The following KIF27 variants were observed in gnomAD, a reference collection of about 807,000 sequenced individuals.
The protein encoded by KIF27 is kinesin family member 27.
Under a neutral mutation model 141.8 loss-of-function variants are expected in KIF27, and 84 were observed. The observed-to-expected ratio is 0.59, with a 90% confidence interval of 0.50 to 0.71. The LOEUF is 0.71. Ranked by LOEUF, KIF27 falls within the 30% of genes least tolerant of loss-of-function variation. KIF27 has a pLI of 0.00. For missense variants in KIF27, 1,306 were observed against 1,628.4 expected (o/e 0.80, Z 3.41); for synonymous variants, 471 against 569.5 (o/e 0.83, Z 2.46).
chr9:83,867,896 C>T (rs1354645766), intron 12 of KIF27, 36 bp from the exon 13 acceptor site: 1 of 1,537,828 alleles, frequency 6.5e-7, no homozygotes, highest in Non-Finnish European at 8.7e-7. Flanking sequence ...ACTTGTTTTT[C>T]CTTCTGCCAT....
intron 10 of KIF27, among the ~76,000 whole-genome samples, chr9:83,883,568 T>C (rs1420687183): frequency 6.6e-6 from 1 of 152,236 alleles, no homozygotes; most frequent in Non-Finnish European, 1.5e-5. Context: ...TGTTTCGTGG[T>C]TACGTTTATT....
In KIF27 at chr9:83,870,206, G is replaced by A. The variant is rs532214897; in HGVS notation, c.2757+313C>T. Among the ~76,000 whole-genome samples, 190 of 151,912 alleles carry A rather than the reference G, an allele frequency of 1.3e-3. 1 individual carries two copies. The highest frequency in any genetic ancestry group is 4.4e-3 in the African/African-American group (184 of 41,408). The stretch of plus-strand genomic sequence containing the variant: ...ATTGAGAGGGAGTTTTGCTCTTGTT[G>A]CCCAGTCTGGAGTGCAGTGGCATGG... On this transcript the variant is annotated intron_variant, in intron 12 of 17. Coordinates refer to ENST00000297814, the MANE Select transcript of KIF27 (RefSeq NM_017576.4).
At chr9:83,895,664 G>A (rs1588216071) in intron 5 of KIF27, among the ~76,000 whole-genome samples, 1 of 151,946 alleles carries the variant, frequency 6.6e-6, no homozygotes, top group East Asian at 1.9e-4. Context: ...TACAGAAGGT[G>A]AAAGGATTAT....
intron 4 of KIF27, among the ~76,000 whole-genome samples, chr9:83,900,733 G>GTA (rs1297653978): frequency 2.6e-5 from 4 of 151,412 alleles, no homozygotes; most frequent in East Asian, 1.9e-4. Flanking sequence ...ATATATACAC[G>GTA]TATATATATA....
chr9:83,918,681 C>T (rs1361130567), intron 1 of KIF27, among the ~76,000 whole-genome samples: 2 of 152,118 alleles, frequency 1.3e-5, no homozygotes, highest in Non-Finnish European at 2.9e-5. Flanking sequence ...TGGTTCATGC[C>T]TGTAATCCCA....
chr9:83,889,268 C>A lies in KIF27; in HGVS notation c.1810-15G>T, dbSNP rs1168073220. 29 of 1,566,154 alleles carry A rather than the reference C, an allele frequency of 1.9e-5. No homozygotes were observed. Among genetic ancestry groups the A allele is most frequent in the Non-Finnish European group, 2.4e-5 (28 of 1,151,970 alleles). ...CTTGTGTGGACCTTGCAAGTGATTC[C>A]CCCACCCAACAACAAAAAAAGTGAT... On this transcript the variant is annotated splice_polypyrimidine_tract_variant and intron_variant, in intron 6 of 17. Transcript: ENST00000297814.
At chr9:83,872,611 A>G (rs1950888508) in intron 11 of KIF27, among the ~76,000 whole-genome samples, 1 of 152,200 alleles carries the variant, frequency 6.6e-6, no homozygotes, top group Non-Finnish European at 1.5e-5. Flanking sequence ...CATGTTTTAT[A>G]AAAGTGTTAG....
At chr9:83,872,257 T>A (rs1950857397) in intron 11 of KIF27, among the ~76,000 whole-genome samples, 1 of 152,024 alleles carries the variant, frequency 6.6e-6, no homozygotes, top group Non-Finnish European at 1.5e-5. Flanking sequence ...CAGAGTACGG[T>A]GAGCTGAGAT....
intron 13 of KIF27, among the ~76,000 whole-genome samples, chr9:83,866,392 A>C (rs186003998): frequency 1.3e-5 from 2 of 152,326 alleles, no homozygotes; most frequent in East Asian, 3.9e-4. Flanking sequence ...CTCTCTAGGT[A>C]CTTGGAATGC....
At chr9:83,863,199 C>G (rs62561949) in intron 13 of KIF27, among the ~76,000 whole-genome samples, 26,585 of 152,100 alleles carry the variant, frequency 0.17, 2,885 homozygotes, top group Non-Finnish European at 0.24. Flanking sequence ...CTGGCCAGAA[C>G]TTCCAACACT....
At chr9:83,846,179 T>G (rs1767823030) in intron 16 of KIF27, among the ~76,000 whole-genome samples, 1 of 152,052 alleles carries the variant, frequency 6.6e-6, no homozygotes, top group Admixed American at 6.6e-5. Flanking sequence ...TTCCTCAGGG[T>G]GATCAGCGAG....
At position 83,850,316 on chromosome 9, in the gene KIF27, G is replaced by C. The variant is rs1225335729; in HGVS notation, c.3358-19C>G. 3 of 1,532,752 alleles carry C rather than the reference G, an allele frequency of 2.0e-6. No homozygotes were observed. Among genetic ancestry groups the C allele is most frequent in the Non-Finnish European group, 2.7e-6 (3 of 1,107,154 alleles). 94.9% of individuals were successfully genotyped at this position (1,532,752 alleles called of 1,614,324 possible). A position where few individuals can be genotyped will look rare whatever the true frequency, so the allele number is the denominator to read the frequency against. ...TCACCACCTAACAAATACATATTTTGACCTGTTAAGTGTGTCTTAGATAAG... is the reference window on the plus strand; with the variant it reads ...TCACCACCTAACAAATACATATTTTCACCTGTTAAGTGTGTCTTAGATAAG... On this transcript the variant is annotated intron_variant, in intron 15 of 17. Coordinates refer to ENST00000297814, the MANE Select transcript of KIF27 (RefSeq NM_017576.4).
rs143151338 is a variant in KIF27 at position 83,896,276 on chromosome 9, A to C, written c.1602+3385T>G. Among the ~76,000 whole-genome samples, 896 of 152,118 alleles carry C rather than the reference A, an allele frequency of 5.9e-3. 6 individuals carry two copies. Among genetic ancestry groups the C allele is most frequent in the African/African-American group, 0.02 (849 of 41,514 alleles). On this transcript the variant is annotated intron_variant, in intron 5 of 17. Coordinates refer to ENST00000297814, the MANE Select transcript of KIF27 (RefSeq NM_017576.4). ...ACAAAAAAAAGAAATTACTTCCAAAAAGTTTGGATCTTTTCCATTTATCTT... is the reference window on the plus strand; with the variant it reads ...ACAAAAAAAAGAAATTACTTCCAAACAGTTTGGATCTTTTCCATTTATCTT...
At chr9:83,902,775 G>A (rs1954057344) in intron 4 of KIF27, among the ~76,000 whole-genome samples, 2 of 152,216 alleles carry the variant, frequency 1.3e-5, no homozygotes, top group Non-Finnish European at 1.5e-5. Flanking sequence ...GAGAAAGGAG[G>A]AGGAGCCAAG....
At chr9:83,842,966 T>C (rs1348001746) in intron 16 of KIF27, among the ~76,000 whole-genome samples, 1 of 152,162 alleles carries the variant, frequency 6.6e-6, no homozygotes, top group Non-Finnish European at 1.5e-5. Context: ...AAGAATTTTT[T>C]TGCAGTAGCT....
chr9:83,859,338 G>A lies in KIF27; in HGVS notation c.2968C>T (p.Arg990Cys), dbSNP rs748127848. Residue 990 changes from arginine to cysteine, a missense_variant, in exon 14 of 18, where the codon CGC becomes TGC. Physicochemically the swap from Arg to Cys is radical, Grantham distance 180. Transcript: ENST00000297814. ...LNTDSLKIST[R>C]LNLLEQELSE... ...AACTCTTGTTCCAGTAAGTTCAGGC[G>A]AGTTGATATTTTCAAACTATCTGTG... 5.6e-6 allele frequency: 9 copies of A among 1,614,016 alleles called. No homozygotes were observed. Among genetic ancestry groups the A allele is most frequent in the South Asian group, 1.1e-5 (1 of 91,066 alleles).
At chr9:83,891,972 C>G (rs905110801) in intron 5 of KIF27, among the ~76,000 whole-genome samples, 32 of 152,096 alleles carry the variant, frequency 2.1e-4, no homozygotes, top group African/African-American at 7.7e-4. Context: ...AAGCCAAAAG[C>G]AGACAGATAG....
chr9:83,844,864 A>G (rs1194710494), intron 16 of KIF27, among the ~76,000 whole-genome samples: 1 of 152,188 alleles, frequency 6.6e-6, no homozygotes, highest in Non-Finnish European at 1.5e-5. Context: ...CCTTCCTACA[A>G]CCAAGAAAGA....
At chr9:83,870,799 C>G (rs1469573842) in intron 11 of KIF27, among the ~76,000 whole-genome samples, 167 bp from the exon 12 acceptor site, 1 of 150,350 alleles carries the variant, frequency 6.7e-6, no homozygotes, top group South Asian at 2.1e-4. Flanking sequence ...CTCCTGGGCT[C>G]AAGCCATCCA....
Sources: allele counts gnomAD v4.1 joint callset (sites outside exome capture counted in the v4.1 genomes callset), GRCh38; gene constraint gnomAD v4.1.1; transcripts MANE v1.5; gene names NCBI Gene and HGNC (gene_info 2026-07-23, HGNC 2026-07-21).